Variants in SLC6A15 observed in about 807,000 individuals in gnomAD.
The protein encoded by SLC6A15 is sodium-dependent neutral amino acid transporter B(0)AT2.
SLC6A15 carries 33 observed loss-of-function variants against 68.5 expected under a neutral mutation model. That is an observed-to-expected ratio of 0.48 (90% CI 0.37 to 0.64). The LOEUF (loss-of-function observed/expected upper bound fraction) is 0.64, where lower values mean the gene tolerates loss of function less well. Ranked by LOEUF, SLC6A15 falls within the 30% of genes least tolerant of loss-of-function variation. The probability of loss-of-function intolerance (pLI) is 0.00; values close to 1 mark genes in which losing one functional copy is unlikely to be tolerated. For missense variants in SLC6A15, 747 were observed against 874.3 expected, an observed-to-expected ratio of 0.85 and a Z score of 1.84; for synonymous variants, 347 against 301.0, an observed-to-expected ratio of 1.15 and a Z score of -1.58.
intron 9 of SLC6A15, among the ~76,000 whole-genome samples, chr12:84,868,684 C>T (rs73170063): frequency 6.6e-6 from 1 of 152,248 alleles, no homozygotes; most frequent in Non-Finnish European, 1.5e-5. Flanking sequence ...AACACGACTA[C>T]GATTTGAAGT....
intron 5 of SLC6A15, among the ~76,000 whole-genome samples, chr12:84,880,031 A>C (rs746468911): frequency 3.3e-5 from 5 of 152,208 alleles, no homozygotes; most frequent in Non-Finnish European, 5.9e-5. Flanking sequence ...TAATTCAACA[A>C]ACATTTAAAT....
At chr12:84,900,469 G>A (rs1872810807) in intron 1 of SLC6A15, among the ~76,000 whole-genome samples, 1 of 149,498 alleles carries the variant, frequency 6.7e-6, no homozygotes, top group Non-Finnish European at 1.5e-5. Context: ...TATTTTACTG[G>A]CTAAGACATC....
rs905258334 is a variant in SLC6A15, at chr12:84,912,589, G to T, written c.-255C>A. On this transcript the variant is annotated 5_prime_UTR_variant, in exon 1 of 12. Coordinates refer to ENST00000266682, the MANE Select transcript of SLC6A15 (RefSeq NM_182767.6). ...TCCGGGCAGCAGCAGCAGCAGTCGC[G>T]AAAGGGTAGGGTCCAGGTGGCTGTG... 1 of 152,556 alleles carries T rather than the reference G, an allele frequency of 6.6e-6. No homozygotes were observed. The highest frequency in any genetic ancestry group is 1.5e-5 in the Non-Finnish European group (1 of 68,402). The allele number at this position is 152,556 out of a possible 1,614,324, so 9.5% of individuals were successfully genotyped here. A position where few individuals can be genotyped will look rare whatever the true frequency, so the allele number is the denominator to read the frequency against.
intron 5 of SLC6A15, chr12:84,881,560 C>A: frequency 2.0e-6 from 2 of 985,326 alleles, no homozygotes; most frequent in Middle Eastern, 5.2e-4. Flanking sequence ...CCCTATCATA[C>A]CCCTCTTTTA....
chr12:84,874,759 C>T (rs190815376), intron 6 of SLC6A15, among the ~76,000 whole-genome samples: 76 of 152,216 alleles, frequency 5.0e-4, no homozygotes, highest in African/African-American at 1.6e-3. Context: ...CAGAAAAGAC[C>T]TATTAACTAA....
chr12:84,894,904 T>C (rs1027327097), intron 1 of SLC6A15, among the ~76,000 whole-genome samples: 1 of 152,104 alleles, frequency 6.6e-6, no homozygotes, highest in Non-Finnish European at 1.5e-5. Context: ...ACAGATATCG[T>C]ATAACAACTC....
chr12:84,910,928 CGTGTGT>C (rs34335324), intron 1 of SLC6A15, among the ~76,000 whole-genome samples: 2 of 143,448 alleles, frequency 1.4e-5, no homozygotes, highest in African/African-American at 5.7e-5. Context: ...GCCCTCTTTC[CGTGTGT>C]GTGTGTGTGT....
At chr12:84,895,339 AT>A (rs67339994) in intron 1 of SLC6A15, among the ~76,000 whole-genome samples, 1,834 of 54,660 alleles carry the variant, frequency 0.034, 3 homozygotes, top group Non-Finnish European at 0.038. Context: ...TTTTGTTTGT[AT>A]TTTTTTTTTT....
intron 5 of SLC6A15, chr12:84,882,485 C>T (rs899468415): frequency 5.4e-6 from 5 of 933,772 alleles, no homozygotes; most frequent in Non-Finnish European, 6.4e-6. Flanking sequence ...CTACAATTTA[C>T]AAGTTAAAAA....
intron 5 of SLC6A15, among the ~76,000 whole-genome samples, chr12:84,879,218 G>A (rs775139648): frequency 2.0e-5 from 3 of 151,888 alleles, no homozygotes; most frequent in Non-Finnish European, 4.4e-5. Flanking sequence ...CTGTGAACTT[G>A]CTGGTGAACT....
At chr12:84,863,286 G>A (rs552678811) in intron 11 of SLC6A15, among the ~76,000 whole-genome samples, 153 bp downstream of exon 11, 66 of 152,086 alleles carry the variant, frequency 4.3e-4, no homozygotes, top group African/African-American at 1.4e-3. Flanking sequence ...ATATGCTCGG[G>A]GCAGAGCACA....
chr12:84,864,511 C>T (rs537817245), intron 10 of SLC6A15, among the ~76,000 whole-genome samples: 1 of 151,666 alleles, frequency 6.6e-6, no homozygotes, highest in African/African-American at 2.4e-5. Flanking sequence ...GTAGAGATGG[C>T]GTTTCACCAT....
At chr12:84,908,525 T>C (rs914680404) in intron 1 of SLC6A15, among the ~76,000 whole-genome samples, 1 of 150,822 alleles carries the variant, frequency 6.6e-6, no homozygotes, top group African/African-American at 2.4e-5. Flanking sequence ...CTGTCTTTAC[T>C]TTAAAATATT....
rs773751785 is a variant in SLC6A15 at position 84,876,507 on chromosome 12, A to C, written c.857T>G (p.Phe286Cys). The C allele has an allele frequency of 5.4e-5, 85 of 1,569,556 alleles. No homozygotes were observed. The highest frequency in any genetic ancestry group is 7.2e-5 in the Non-Finnish European group (83 of 1,149,340). ...NGSIDGIRHM[F>C]TPKLEIMLEP... Reference sequence around the variant, plus strand: ...AAATATGGTACATACCTTAGGGGTAAACATGTGGCGAATGCCATCAATTGA... The same window carrying C: ...AAATATGGTACATACCTTAGGGGTACACATGTGGCGAATGCCATCAATTGA... Residue 286 changes from phenylalanine (F) to cysteine (C), a missense_variant, in exon 6 of 12, where the codon TTT becomes TGT. Physicochemically the swap from Phe to Cys is radical, Grantham distance 205. Coordinates refer to ENST00000266682, the MANE Select transcript of SLC6A15 (RefSeq NM_182767.6).
At position 84,879,501 on chromosome 12, in the gene SLC6A15, A is replaced by C. The variant is rs61929975; in HGVS notation, c.757-2894T>G. ...CCACCATGCCCGGACAATTTTTTGT[A>C]TTTTAGTAGAGACGGAGTTTCACCG... On this transcript the variant is annotated intron_variant, in intron 5 of 11. Transcript: ENST00000266682. 3.4e-4 allele frequency among the ~76,000 whole-genome samples: 52 copies of C among 151,376 alleles called. 1 individual carries two copies. Among genetic ancestry groups the C allele is most frequent in the Non-Finnish European group, 6.8e-4 (46 of 67,700 alleles).
At chr12:84,869,670 C>T (rs1871207786) in intron 9 of SLC6A15, among the ~76,000 whole-genome samples, 1 of 152,028 alleles carries the variant, frequency 6.6e-6, no homozygotes, top group Non-Finnish European at 1.5e-5. Context: ...TTGAGAAGAT[C>T]CTTCCTCTTT....
intron 1 of SLC6A15, among the ~76,000 whole-genome samples, chr12:84,900,898 GTATAGATATGTATATATA>G (rs1872832528): frequency 7.8e-6 from 1 of 128,246 alleles, no homozygotes; most frequent in Admixed American, 7.4e-5. Context: ...GTATATATGT[GTATAGATATGTATATATA>G]TACATACATA....
chr12:84,902,519 T>TA (rs72389809), intron 1 of SLC6A15, among the ~76,000 whole-genome samples: 36 of 150,296 alleles, frequency 2.4e-4, no homozygotes, highest in Middle Eastern at 3.4e-3. Context: ...CACAGAAAAA[T>TA]AAAAAAAAAC....
intron 1 of SLC6A15, among the ~76,000 whole-genome samples, chr12:84,900,058 T>C (rs1354476221): frequency 1.3e-5 from 2 of 152,096 alleles, no homozygotes; most frequent in Non-Finnish European, 2.9e-5. Flanking sequence ...TACATTGATT[T>C]CATTGATCTA....
Sources: gnomAD v4.1 joint callset for allele counts (sites outside exome capture counted in the v4.1 genomes callset) on GRCh38, gnomAD v4.1.1 for gene constraint, MANE v1.5 for transcripts, NCBI Gene and HGNC (gene_info 2026-07-23, HGNC 2026-07-21) for gene names.